Variants in GRIK1 observed in about 807,000 individuals in gnomAD.
GRIK1 encodes the protein glutamate ionotropic receptor kainate type subunit 1, also known as glutamate receptor ionotropic, kainate 1.
GRIK1 carries 69 observed loss-of-function variants against 105.7 expected under a neutral mutation model. That is an observed-to-expected ratio of 0.65 (90% CI 0.54 to 0.80). GRIK1 has a LOEUF of 0.80. GRIK1 is among the 30% of genes least tolerant of loss of function. The pLI, the probability that GRIK1 is intolerant of heterozygous loss-of-function variation, is 0.00. For synonymous variants in GRIK1, 438 were observed against 431.3 expected, an observed-to-expected ratio of 1.02 and a Z score of -0.19; for missense variants, 1,109 against 1,167.3, an observed-to-expected ratio of 0.95 and a Z score of 0.73.
chr21:29,859,208 G>A (rs186527226), intron 1 of GRIK1, among the ~76,000 whole-genome samples: 11 of 138,300 alleles, frequency 8.0e-5, no homozygotes, highest in South Asian at 2.4e-4. Context: ...ACCGGGGCCT[G>A]TTGTGGGGTG....
intron 1 of GRIK1, among the ~76,000 whole-genome samples, chr21:29,890,111 T>C (rs973289470): frequency 6.6e-6 from 1 of 152,100 alleles, no homozygotes; most frequent in Non-Finnish European, 1.5e-5. Flanking sequence ...ATCATAAATA[T>C]TTTTATGCAT....
At chr21:29,874,366 T>C (rs2069120856) in intron 1 of GRIK1, among the ~76,000 whole-genome samples, 1 of 152,188 alleles carries the variant, frequency 6.6e-6, no homozygotes, top group Non-Finnish European at 1.5e-5. Context: ...CATAATGACT[T>C]AGATAAGGCT....
Position 29,544,818 on chromosome 21 carries a change from T to C in GRIK1, c.2608-6934A>G, listed in dbSNP as rs370822957. Among the ~76,000 whole-genome samples the C allele has an allele frequency of 2.0e-4, 30 of 152,322 alleles. No individual in the cohort carries two copies. The East Asian group carries it at 3.1e-3, about 16-fold the overall frequency. On this transcript the variant is annotated intron_variant, in intron 16 of 17. Coordinates refer to ENST00000327783, the MANE Select transcript of GRIK1 (RefSeq NM_001330994.2). ...AAAGAAAGGGTTGTCTCGTAGCTGCTCTCAAGGAGAAAAGTTCAATCAGGT... is the reference window on the plus strand; with the variant it reads ...AAAGAAAGGGTTGTCTCGTAGCTGCCCTCAAGGAGAAAAGTTCAATCAGGT...
intron 5 of GRIK1, 110 bp downstream of exon 5, chr21:29,654,700 C>A: frequency 2.9e-6 from 2 of 701,670 alleles, no homozygotes; most frequent in South Asian, 1.7e-5. Flanking sequence ...GAAAGTAAGG[C>A]AAGTCTCCAT....
chr21:29,929,186 T>C (rs1464609141), intron 1 of GRIK1, among the ~76,000 whole-genome samples: 1 of 152,006 alleles, frequency 6.6e-6, no homozygotes, highest in African/African-American at 2.4e-5. Flanking sequence ...CGATAAAGGG[T>C]TGGATTTACT....
At chr21:29,828,035 G>C (rs999012456) in intron 1 of GRIK1, among the ~76,000 whole-genome samples, 2 of 149,108 alleles carry the variant, frequency 1.3e-5, no homozygotes, top group African/African-American at 2.5e-5. Flanking sequence ...GTGTGTGTGT[G>C]GGTGTGTGTC....
intron 7 of GRIK1, among the ~76,000 whole-genome samples, chr21:29,606,805 C>G (rs201892767): frequency 2.1e-5 from 3 of 140,688 alleles, no homozygotes; most frequent in African/African-American, 8.9e-5. Flanking sequence ...CTTGTCTTGT[C>G]TTGTCTTGTC....
At chr21:29,663,230 C>A (rs544571166) in intron 4 of GRIK1, among the ~76,000 whole-genome samples, 66 of 152,220 alleles carry the variant, frequency 4.3e-4, no homozygotes, top group African/African-American at 1.5e-3. Flanking sequence ...TAATAATTTG[C>A]ACAAAATTCT....
chr21:29,539,943 A>G (rs1449702764), intron 16 of GRIK1, among the ~76,000 whole-genome samples: 4 of 152,212 alleles, frequency 2.6e-5, no homozygotes, highest in Non-Finnish European at 5.9e-5. Context: ...AATATTTTTT[A>G]TCACTATAGA....
chr21:29,737,960 A>T, intron 1 of GRIK1, among the ~76,000 whole-genome samples: 1 of 152,208 alleles, frequency 6.6e-6, no homozygotes, highest in African/African-American at 2.4e-5. Flanking sequence ...TTTTTTGTGA[A>T]CTATTCTGCT....
At chr21:29,673,309 A>G (rs1337513167) in intron 3 of GRIK1, 145 bp from the exon 4 acceptor site, 3 of 536,670 alleles carry the variant, frequency 5.6e-6, no homozygotes, top group Non-Finnish European at 9.9e-6. Flanking sequence ...CCCATTTGTC[A>G]CTCATCTTCC....
At chr21:29,738,478 C>A (rs182281478) in intron 1 of GRIK1, among the ~76,000 whole-genome samples, 2 of 152,290 alleles carry the variant, frequency 1.3e-5, no homozygotes, top group Non-Finnish European at 2.9e-5. Context: ...AAGTCTCTTG[C>A]ATTGTTAAAT....
intron 1 of GRIK1, among the ~76,000 whole-genome samples, chr21:29,857,352 G>A (rs938730050): frequency 6.6e-6 from 1 of 152,200 alleles, no homozygotes; most frequent in African/African-American, 2.4e-5. Context: ...TGCCTTCCAA[G>A]CCTGGCAATC....
intron 1 of GRIK1, among the ~76,000 whole-genome samples, chr21:29,791,761 G>A (rs1271630347): frequency 3.3e-5 from 5 of 152,136 alleles, no homozygotes; most frequent in Non-Finnish European, 7.4e-5. Context: ...ATAAAGGAGA[G>A]GATGGAGATT....
chr21:29,586,729 G>C (rs552145810), intron 12 of GRIK1, among the ~76,000 whole-genome samples: 3 of 152,116 alleles, frequency 2.0e-5, no homozygotes, highest in South Asian at 4.2e-4. Context: ...GTTAAATACA[G>C]AGTTAAATCT....
intron 3 of GRIK1, among the ~76,000 whole-genome samples, chr21:29,685,463 T>A (rs2063470759): frequency 6.6e-6 from 1 of 152,122 alleles, no homozygotes; most frequent in Non-Finnish European, 1.5e-5. Flanking sequence ...TTTTTTTTAA[T>A]GTTTTGCCAC....
At chr21:29,736,516 A>T (rs1026351038) in intron 1 of GRIK1, among the ~76,000 whole-genome samples, 1 of 152,118 alleles carries the variant, frequency 6.6e-6, no homozygotes, top group African/African-American at 2.4e-5. Flanking sequence ...GGCATGAGCC[A>T]CTGTACCTGG....
intron 1 of GRIK1, among the ~76,000 whole-genome samples, chr21:29,873,784 T>C (rs903935426): frequency 1.3e-5 from 2 of 152,218 alleles, no homozygotes; most frequent in African/African-American, 4.8e-5. Flanking sequence ...AATTGGAAAG[T>C]TTCCAACTGA....
chr21:29,695,493 GA>G (rs945145564), intron 1 of GRIK1, among the ~76,000 whole-genome samples: 6 of 135,258 alleles, frequency 4.4e-5, no homozygotes, highest in Admixed American at 3.7e-4. Context: ...TATATATTTT[GA>G]GATGGAGTCT....
Sources: gnomAD v4.1 joint callset for allele counts (sites outside exome capture counted in the v4.1 genomes callset) on GRCh38, gnomAD v4.1.1 for gene constraint, MANE v1.5 for transcripts, NCBI Gene and HGNC (gene_info 2026-07-23, HGNC 2026-07-21) for gene names.